The following SYNCRIP variants were observed in gnomAD, a reference collection of about 807,000 sequenced individuals.
SYNCRIP encodes the protein synaptotagmin binding cytoplasmic RNA interacting protein.
A neutral mutation model predicts 68.9 loss-of-function variants in SYNCRIP; 9 were observed. The ratio of observed to expected loss-of-function variants is 0.13; its 90% CI spans 0.08 to 0.23. The LOEUF is 0.23. Among genes scored for constraint, SYNCRIP ranks in the 10% least tolerant of loss-of-function variants. The pLI is 1.00. For synonymous variants in SYNCRIP, 258 were observed against 254.0 expected (o/e 1.02, Z -0.15); for missense variants, 414 against 770.6 (o/e 0.54, Z 5.48).
chr6:85,623,571 A>AAAAAAAAC (rs1806678320), intron 7 of SYNCRIP, among the ~76,000 whole-genome samples: 7 of 147,970 alleles, frequency 4.7e-5, no homozygotes, highest in African/African-American at 1.6e-4. Context: ...CCAAAAAAAA[A>AAAAAAAAC]AAAAAAAAAA....
chr6:85,638,191 G>C (rs753351473), intron 4 of SYNCRIP, among the ~76,000 whole-genome samples: 13 of 151,976 alleles, frequency 8.6e-5, no homozygotes, highest in Non-Finnish European at 1.8e-4. Context: ...GGCCAAGATG[G>C]TGAAACCCTG....
rs139392080 is a variant in SYNCRIP at position 85,622,155 on chromosome 6, C to T, written c.1008+327G>A. On this transcript the variant is annotated intron_variant, in intron 8 of 10. Coordinates refer to ENST00000369622, the MANE Select transcript of SYNCRIP (RefSeq NM_006372.5). The stretch of plus-strand genomic sequence containing the variant: ...TTGGAAGGCCGAGGTAGGTGGATCC[C>T]GAGGTCAGGAGTTCGAGACCAGTCT... Among the ~76,000 whole-genome samples, 4 of 152,156 alleles carry T rather than the reference C, an allele frequency of 2.6e-5. No homozygotes were observed. The East Asian group carries it at 7.7e-4, about 29-fold the overall frequency.
intron 8 of SYNCRIP, among the ~76,000 whole-genome samples, chr6:85,621,009 ATTAG>A (rs1422191546): frequency 1.3e-5 from 2 of 152,238 alleles, no homozygotes; most frequent in African/African-American, 4.8e-5. Flanking sequence ...TGTTCAAAAT[ATTAG>A]TAAGACAAAC....
intron 6 of SYNCRIP, among the ~76,000 whole-genome samples, chr6:85,634,582 T>C (rs547668903): frequency 1.3e-5 from 1 of 75,622 alleles, no homozygotes; most frequent in African/African-American, 3.4e-5. Flanking sequence ...TGGTGTGTTG[T>C]TTTTTTTTTT....
chr6:85,613,364 A>C (rs748490588), downstream of SYNCRIP, among the ~76,000 whole-genome samples: 12 of 152,168 alleles, frequency 7.9e-5, no homozygotes, highest in African/African-American at 1.7e-4. Flanking sequence ...TTTTTAAGAA[A>C]GTTTGTCTTT....
In SYNCRIP at chr6:85,633,859, C is replaced by T. The variant is rs549916791; in HGVS notation, c.666+3108G>A. 4.6e-5 allele frequency among the ~76,000 whole-genome samples: 7 copies of T among 152,188 alleles called. No homozygotes were observed. The South Asian group carries it at 1.5e-3, about 32-fold the overall frequency. On this transcript the variant is annotated intron_variant, in intron 6 of 10. Transcript: ENST00000369622. Reference sequence around the variant, plus strand: ...CTATGTTTCCCAGGCTGGTTTCAATCAATCCTTGCACCTCAGCCTACCAAA... The same window carrying T: ...CTATGTTTCCCAGGCTGGTTTCAATTAATCCTTGCACCTCAGCCTACCAAA...
downstream of SYNCRIP, chr6:85,612,896 C>T: frequency 6.4e-7 from 1 of 1,550,842 alleles, no homozygotes. Flanking sequence ...TGTAACAGGT[C>T]AGGACCGGCC....
chr6:85,617,064 T>G (rs1036095829), intron 10 of SYNCRIP, among the ~76,000 whole-genome samples: 2 of 152,174 alleles, frequency 1.3e-5, no homozygotes, highest in African/African-American at 4.8e-5. Flanking sequence ...CCAACTCCAC[T>G]ACTTACTATG....
At chr6:85,610,755 C>T (rs1405442157), downstream of SYNCRIP, 1 of 152,012 alleles carries the variant, frequency 6.6e-6, no homozygotes, top group African/African-American at 2.4e-5. Flanking sequence ...CCAAGGATTA[C>T]ACTGAGATTC....
upstream of SYNCRIP, chr6:85,643,416 T>TGGGGGTG (rs1554190995): frequency 2.0e-5 from 3 of 151,912 alleles, no homozygotes; most frequent in Non-Finnish European, 4.4e-5. Flanking sequence ...CCCCTTGGGT[T>TGGGGGTG]GGGGGTGGGG....
chr6:85,614,523 T>C lies in SYNCRIP; in HGVS notation c.*233A>G, dbSNP rs1339244934. 8.1e-7 allele frequency: 1 copy of C among 1,230,962 alleles called. No individual in the cohort carries two copies. The highest frequency in any genetic ancestry group is 1.0e-6 in the Non-Finnish European group (1 of 986,420). The allele number at this position is 1,230,962 out of a possible 1,614,324, so 76.3% of individuals were successfully genotyped here. A position where few individuals can be genotyped will look rare whatever the true frequency, so the allele number is the denominator to read the frequency against. On this transcript the variant is annotated 3_prime_UTR_variant, in exon 11 of 11. Coordinates refer to ENST00000369622, the MANE Select transcript of SYNCRIP (RefSeq NM_006372.5). ...TTCTCAAGCACAAATGCAAACTCAT[T>C]AACTATTTCTTTCAGTATCTAAGAA...
chr6:85,640,039 A>G (rs1406010640), intron 4 of SYNCRIP, among the ~76,000 whole-genome samples, 182 bp downstream of exon 4: 1 of 152,368 alleles, frequency 6.6e-6, no homozygotes, highest in East Asian at 1.9e-4. Context: ...TAACATGATA[A>G]ACTTCACAGC....
chr6:85,626,677 C>T (rs1197883307), intron 6 of SYNCRIP, among the ~76,000 whole-genome samples: 1 of 152,132 alleles, frequency 6.6e-6, no homozygotes, highest in Non-Finnish European at 1.5e-5. Context: ...CAACAATAAT[C>T]AAAGAAATAT....
rs1399666561 is a variant in SYNCRIP at position 85,641,387 on chromosome 6, G to A, written c.53C>T (p.Thr18Ile). Residue 18 changes from threonine to isoleucine, a missense_variant, in exon 2 of 11, where the codon ACT becomes ATT. Transcript: ENST00000369622. ...ATTTTCTGAATGGATAACTGCAGAA[G>A]TAGTATCCATGGGCTCTTCAGTACC... is the stretch of plus-strand genomic sequence containing the variant. ...GNGTEEPMDT[T>I]SAVIHSENFQ... The A allele has an allele frequency of 6.2e-7, 1 of 1,613,082 alleles. No homozygotes were observed. The highest frequency in any genetic ancestry group is 8.5e-7 in the Non-Finnish European group (1 of 1,179,528).
chr6:85,637,488 T>C lies in SYNCRIP; in HGVS notation c.376-132A>G, dbSNP rs939381167. 9.9e-6 allele frequency: 6 copies of C among 606,940 alleles called. No homozygotes were observed. The African/African-American group carries it at 1.1e-4, about 11-fold the overall frequency. The allele number at this position is 606,940 out of a possible 1,614,324, so 37.6% of individuals were successfully genotyped here. A position where few individuals can be genotyped will look rare whatever the true frequency, so the allele number is the denominator to read the frequency against. The stretch of plus-strand genomic sequence containing the variant: ...TTCCCTTATAAAAACAGGTTTGTGA[T>C]GTCTGTTTTAAAATTTCCCCTTAAA... On this transcript the variant is annotated intron_variant, in intron 4 of 10. Transcript: ENST00000369622.
At chr6:85,628,152 T>C (rs2128291497) in intron 6 of SYNCRIP, among the ~76,000 whole-genome samples, 1 of 152,280 alleles carries the variant, frequency 6.6e-6, no homozygotes, top group South Asian at 2.1e-4. Flanking sequence ...ACCTCCCGGT[T>C]TCAAGTGATT....
At chr6:85,613,237 A>G (rs980634492), downstream of SYNCRIP, among the ~76,000 whole-genome samples, 8 of 152,282 alleles carry the variant, frequency 5.3e-5, no homozygotes, top group East Asian at 1.9e-4. Flanking sequence ...GTCACACCTT[A>G]AAGTTACCCA....
chr6:85,635,812 A>T (rs568487479), intron 6 of SYNCRIP, among the ~76,000 whole-genome samples: 3 of 145,878 alleles, frequency 2.1e-5, no homozygotes, highest in East Asian at 2.0e-4. Context: ...AGGAAGACTT[A>T]TGAGTTTTAT....
At chr6:85,621,178 A>G (rs1159648616) in intron 8 of SYNCRIP, among the ~76,000 whole-genome samples, 2 of 152,244 alleles carry the variant, frequency 1.3e-5, no homozygotes, top group African/African-American at 4.8e-5. Flanking sequence ...GGAAAAATGA[A>G]TCCTAACTAT....
Sources: gnomAD v4.1 joint callset for allele counts (sites outside exome capture counted in the v4.1 genomes callset) on GRCh38, gnomAD v4.1.1 for gene constraint, MANE v1.5 for transcripts, NCBI Gene and HGNC (gene_info 2026-07-23, HGNC 2026-07-21) for gene names.